Variants in TGFBR1 observed in about 807,000 individuals in gnomAD.
TGFBR1 encodes TGF-beta receptor type-1.
Under a neutral mutation model 55.1 loss-of-function variants are expected in TGFBR1, and 20 were observed. That is an observed-to-expected ratio of 0.36 (90% CI 0.26 to 0.53). TGFBR1 has a LOEUF of 0.53. TGFBR1 is among the 20% of genes least tolerant of loss of function. TGFBR1 has a pLI of 0.91. For synonymous variants in TGFBR1, 220 were observed against 214.8 expected, an observed-to-expected ratio of 1.02 and a Z score of -0.21; for missense variants, 385 against 617.6, an observed-to-expected ratio of 0.62 and a Z score of 3.99.
chr9:99,130,444 C>G (rs1013454531), intron 2 of TGFBR1, among the ~76,000 whole-genome samples: 3 of 152,194 alleles, frequency 2.0e-5, no homozygotes, highest in African/African-American at 7.2e-5. Context: ...TGCAGCTCCC[C>G]TGTGGTAAGG....
intron 4 of TGFBR1, among the ~76,000 whole-genome samples, chr9:99,140,545 T>A (rs7042852): frequency 0.27 from 41,562 of 152,026 alleles, 5,894 homozygotes; most frequent in East Asian, 0.42. Flanking sequence ...TCTGCCTTTA[T>A]CACCATTTAT....
intron 1 of TGFBR1, among the ~76,000 whole-genome samples, chr9:99,108,033 G>A (rs1396646569): frequency 2.6e-5 from 4 of 152,164 alleles, no homozygotes; most frequent in Non-Finnish European, 5.9e-5. Flanking sequence ...GTACCCAGAG[G>A]ACAAGATTCA....
At chr9:99,130,518 G>T (rs1827190957) in intron 2 of TGFBR1, among the ~76,000 whole-genome samples, 1 of 152,200 alleles carries the variant, frequency 6.6e-6, no homozygotes, top group Non-Finnish European at 1.5e-5. Context: ...ATGTGGCAAA[G>T]AAAAGGATAA....
chr9:99,138,195 C>A, intron 4 of TGFBR1, 106 bp downstream of exon 4: 1 of 994,424 alleles, frequency 1.0e-6, no homozygotes, highest in South Asian at 1.3e-5. Context: ...ATAGATGTCT[C>A]TCATGTAGAT....
In TGFBR1 at chr9:99,105,301, G is replaced by A. The variant is rs1222945106; in HGVS notation, c.96G>A (p.Thr32=). Residue 32 remains threonine, a splice_region_variant and synonymous_variant, in exon 1 of 9, where the codon ACG becomes ACA. Transcript: ENST00000374994. ...CGGCGGCGCTGCTCCCGGGGGCGAC[G>A]GGTGAGCGGCGGCGCGGCGGGCGGG... is the stretch of plus-strand genomic sequence containing the variant. The part of the protein sequence containing the change: ...AAAAALLPGA[T]ALQCFCHLCT... 1 of 984,896 alleles carries A rather than the reference G, an allele frequency of 1.0e-6. No individual in the cohort carries two copies. The highest frequency in any genetic ancestry group is 1.2e-6 in the Non-Finnish European group (1 of 830,916). 61.0% of individuals were successfully genotyped at this position (984,896 alleles called of 1,614,324 possible). A position where few individuals can be genotyped will look rare whatever the true frequency, so the allele number is the denominator to read the frequency against.
In TGFBR1 at chr9:99,105,165, C is replaced by T. The variant is rs926682138; in HGVS notation, c.-41C>T. 1 of 1,084,660 alleles carries T rather than the reference C, an allele frequency of 9.2e-7. No homozygotes were observed. The highest frequency in any genetic ancestry group is 1.1e-6 in the Non-Finnish European group (1 of 893,806). 67.2% of individuals were successfully genotyped at this position (1,084,660 alleles called of 1,614,324 possible). ...GGTTTGCTGGGGTGAGGCAGCGGCGCGGCCGGGCCGGGCCGGGCCACAGGC... is the reference window on the plus strand; with the variant it reads ...GGTTTGCTGGGGTGAGGCAGCGGCGTGGCCGGGCCGGGCCGGGCCACAGGC... On this transcript the variant is annotated 5_prime_UTR_variant, in exon 1 of 9. Coordinates refer to ENST00000374994, the MANE Select transcript of TGFBR1 (RefSeq NM_004612.4).
chr9:99,111,267 T>C (rs1049922511), intron 1 of TGFBR1, among the ~76,000 whole-genome samples: 7 of 149,402 alleles, frequency 4.7e-5, no homozygotes, highest in Non-Finnish European at 8.9e-5. Flanking sequence ...CCAGCCATTA[T>C]TAACATTTGG....
At chr9:99,108,715 G>C (rs569605506) in intron 1 of TGFBR1, among the ~76,000 whole-genome samples, 3 of 152,302 alleles carry the variant, frequency 2.0e-5, no homozygotes, top group Admixed American at 1.3e-4. Context: ...TGACTGGCAA[G>C]TTACTCTTCA....
chr9:99,108,743 C>CT (rs1226847421), intron 1 of TGFBR1, among the ~76,000 whole-genome samples: 2 of 152,168 alleles, frequency 1.3e-5, no homozygotes, highest in Non-Finnish European at 2.9e-5. Flanking sequence ...GTTCCTTATT[C>CT]TGTACTGTGG....
chr9:99,153,154 C>CT lies in TGFBR1; in HGVS notation c.*3852dup. On this transcript the variant is annotated 3_prime_UTR_variant, in exon 9 of 9. Coordinates refer to ENST00000374994, the MANE Select transcript of TGFBR1 (RefSeq NM_004612.4). ...AGGAGATGCTTCAAAATGTCAATTGCTTTAAACTTAAATTACCTCTCAAGA... is the reference window on the plus strand; with the variant it reads ...AGGAGATGCTTCAAAATGTCAATTGCTTTTAAACTTAAATTACCTCTCAAGA... 1 of 225,898 alleles carries CT rather than the reference C, an allele frequency of 4.4e-6. No individual in the cohort carries two copies. The highest frequency in any genetic ancestry group is 8.8e-6 in the Non-Finnish European group (1 of 113,236). 14.0% of individuals were successfully genotyped at this position (225,898 alleles called of 1,614,324 possible).
At chr9:99,146,783 G>T (rs1460444323) in intron 7 of TGFBR1, among the ~76,000 whole-genome samples, 174 bp downstream of exon 7, 2 of 152,208 alleles carry the variant, frequency 1.3e-5, no homozygotes, top group African/African-American at 2.4e-5. Context: ...GTGCCATGGT[G>T]TGCACATGCA....
At chr9:99,126,532 A>G (rs1476510961) in intron 1 of TGFBR1, among the ~76,000 whole-genome samples, 1 of 152,188 alleles carries the variant, frequency 6.6e-6, no homozygotes, top group Non-Finnish European at 1.5e-5. Flanking sequence ...AGTAAAGAGG[A>G]TTTAGGAGAG....
chr9:99,132,791 A>G, intron 3 of TGFBR1, 52 bp downstream of exon 3: 1 of 1,607,760 alleles, frequency 6.2e-7, no homozygotes, highest in Non-Finnish European at 8.5e-7. Flanking sequence ...AAATTAAGCG[A>G]TACTTATTTT....
upstream of TGFBR1, among the ~76,000 whole-genome samples, chr9:99,104,741 G>C (rs11568744): frequency 1.5e-4 from 23 of 152,324 alleles, no homozygotes; most frequent in African/African-American, 5.1e-4. Context: ...GAAGAAAAGA[G>C]CGTCGAACGG....
Position 99,150,428 on chromosome 9 carries a change from A to G in TGFBR1, c.*1123A>G. 1 of 211,232 alleles carries G rather than the reference A, an allele frequency of 4.7e-6. No homozygotes were observed. The highest frequency in any genetic ancestry group is 7.2e-5 in the East Asian group (1 of 13,840). 13.1% of individuals were successfully genotyped at this position (211,232 alleles called of 1,614,324 possible). A position where few individuals can be genotyped will look rare whatever the true frequency, so the allele number is the denominator to read the frequency against. On this transcript the variant is annotated 3_prime_UTR_variant, in exon 9 of 9. Transcript: ENST00000374994. ...TCAAAGACTTATTTTTTAAGACATG[A>G]ATTACATTTAAAATTAGAATATGGT...
At position 99,152,570 on chromosome 9, in the gene TGFBR1, A is replaced by T. The variant is rs2118903319; in HGVS notation, c.*3265A>T. On this transcript the variant is annotated 3_prime_UTR_variant, in exon 9 of 9. Transcript: ENST00000374994. ...TTTCTCTATGTCTGAGAACTGTCAG[A>T]TTAAAACAAGATGGCAAAGAGATCG... 1 of 229,728 alleles carries T rather than the reference A, an allele frequency of 4.4e-6. No individual in the cohort carries two copies. Among genetic ancestry groups the T allele is most frequent in the East Asian group, 6.2e-5 (1 of 16,180 alleles). The allele number at this position is 229,728 out of a possible 1,614,324, so 14.2% of individuals were successfully genotyped here. A position where few individuals can be genotyped will look rare whatever the true frequency, so the allele number is the denominator to read the frequency against.
At chr9:99,146,794 C>T (rs1397837563) in intron 7 of TGFBR1, among the ~76,000 whole-genome samples, 185 bp downstream of exon 7, 1 of 152,202 alleles carries the variant, frequency 6.6e-6, no homozygotes, top group East Asian at 1.9e-4. Context: ...TGCACATGCA[C>T]AGCTCTAGCC....
At chr9:99,136,646 T>A (rs1827447270) in intron 3 of TGFBR1, among the ~76,000 whole-genome samples, 1 of 152,128 alleles carries the variant, frequency 6.6e-6, no homozygotes, top group Admixed American at 6.6e-5. Flanking sequence ...GCTAACTACT[T>A]TACAGGAGGT....
At chr9:99,142,781 G>T in intron 5 of TGFBR1, 78 bp downstream of exon 5, 1 of 1,531,518 alleles carries the variant, frequency 6.5e-7, no homozygotes, top group Non-Finnish European at 9.0e-7. Flanking sequence ...GGTGGAGGCT[G>T]GGCCTGGTGG....
Sources: gnomAD v4.1 joint callset for allele counts (sites outside exome capture counted in the v4.1 genomes callset) on GRCh38, gnomAD v4.1.1 for gene constraint, MANE v1.5 for transcripts, NCBI Gene and HGNC (gene_info 2026-07-23, HGNC 2026-07-21) for gene names.